The following TUBGCP3 variants were observed in gnomAD, a reference collection of about 807,000 sequenced individuals.
TUBGCP3 encodes the protein gamma-tubulin complex component 3.
In TUBGCP3, 50 loss-of-function variants were observed where a neutral mutation model predicts 123.1. That is an observed-to-expected ratio of 0.41 (90% confidence interval 0.32 to 0.51). The LOEUF is 0.51. Ranked by LOEUF, TUBGCP3 falls within the 20% of genes least tolerant of loss-of-function variation. The pLI is 0.36. For missense variants in TUBGCP3, 882 were observed against 1,127.0 expected, an observed-to-expected ratio of 0.78 and a Z score of 3.11; for synonymous variants, 405 against 413.9, an observed-to-expected ratio of 0.98 and a Z score of 0.26.
At chr13:112,499,220 TCAAC>T (rs758253947) in intron 19 of TUBGCP3, 35 bp from the exon 20 acceptor site, 3 of 1,558,968 alleles carry the variant, frequency 1.9e-6, no homozygotes, top group Non-Finnish European at 2.6e-6. Flanking sequence ...GAATAGAGCC[TCAAC>T]CAGCTAAGTT....
intron 17 of TUBGCP3, among the ~76,000 whole-genome samples, chr13:112,509,084 T>A (rs550661251): frequency 6.6e-6 from 1 of 152,210 alleles, no homozygotes; most frequent in African/African-American, 2.4e-5. Context: ...ACAGTCCCCC[T>A]CCACAGCTTA....
Position 112,556,101 on chromosome 13 carries a change from A to C in TUBGCP3, c.672T>G (p.Ser224Arg). 6.2e-7 allele frequency: 1 copy of C among 1,614,128 alleles called. No individual in the cohort carries two copies. Among genetic ancestry groups the C allele is most frequent in the Non-Finnish European group, 8.5e-7 (1 of 1,180,006 alleles). Residue 224 changes from serine (S) to arginine (R), a missense_variant, in exon 6 of 22, where the codon AGT becomes AGG. This residue lies in a region of TUBGCP3 where 713 missense variants were observed against 874.0 expected (regional missense o/e 0.82). Coordinates refer to ENST00000261965, the MANE Select transcript of TUBGCP3 (RefSeq NM_006322.6). ...ACCTTGTCATGTTGCGAGACACAGC[A>C]CTGGGGACACCTTTTGAGGTAGTGG... is the stretch of plus-strand genomic sequence containing the variant. ...SQATTSKGVP[S>R]AVSRNMTRSR... is the part of the protein sequence containing the mutation.
At chr13:112,591,907 C>T (rs527434297), upstream of TUBGCP3, among the ~76,000 whole-genome samples, 1 of 152,328 alleles carries the variant, frequency 6.6e-6, no homozygotes, top group South Asian at 2.1e-4. Flanking sequence ...ACTTAGTTCA[C>T]GTGCCCCTTT....
chr13:112,543,193 G>A (rs1273887121), intron 11 of TUBGCP3, among the ~76,000 whole-genome samples: 1 of 151,936 alleles, frequency 6.6e-6, no homozygotes, highest in Non-Finnish European at 1.5e-5. Flanking sequence ...GCAGAACCTG[G>A]GAAATGGACA....
At chr13:112,596,062 T>G in the TUBGCP3 span, among the ~76,000 whole-genome samples, 1 of 152,334 alleles carries the variant, frequency 6.6e-6, no homozygotes, top group South Asian at 2.1e-4. Context: ...AATCTCCTTT[T>G]ATGTCCCTTT....
At chr13:112,554,206 T>TTA in intron 7 of TUBGCP3, 24 bp from the exon 8 acceptor site, 1 of 1,611,068 alleles carries the variant, frequency 6.2e-7, no homozygotes, top group Non-Finnish European at 8.5e-7. Context: ...ACATCAAATG[T>TTA]TAAACATTAA....
chr13:112,546,531 G>A (rs1158157175), intron 10 of TUBGCP3: 1 of 152,430 alleles, frequency 6.6e-6, no homozygotes, highest in Non-Finnish European at 1.5e-5. Context: ...ATTTTAGGGA[G>A]AGGAGTGACA....
At chr13:112,569,484 GA>G (rs1881234621) in intron 1 of TUBGCP3, among the ~76,000 whole-genome samples, 1 of 152,118 alleles carries the variant, frequency 6.6e-6, no homozygotes, top group African/African-American at 2.4e-5. Flanking sequence ...CAGAGAGTCT[GA>G]AAAATCCTAG....
Position 112,527,542 on chromosome 13 carries a change from C to A in TUBGCP3, c.1336-58G>T, listed in dbSNP as rs1047574999. ...GTGATATTTATGGCAAAATATTAAC[C>A]AACAGCAACATCAAAGAGTAAGTTA... On this transcript the variant is annotated intron_variant, in intron 11 of 21. Transcript: ENST00000261965. 5 of 1,146,798 alleles carry A rather than the reference C, an allele frequency of 4.4e-6. No homozygotes were observed. In the Admixed American group the frequency reaches 5.4e-5, roughly 12 times the overall value. The allele number at this position is 1,146,798 out of a possible 1,614,324, so 71.0% of individuals were successfully genotyped here. A position where few individuals can be genotyped will look rare whatever the true frequency, so the allele number is the denominator to read the frequency against.
intron 13 of TUBGCP3, among the ~76,000 whole-genome samples, chr13:112,525,965 T>C (rs919124448): frequency 6.6e-6 from 1 of 152,176 alleles, no homozygotes; most frequent in African/African-American, 2.4e-5. Context: ...TTAAGGTGTA[T>C]CAGAGAGTAA....
At chr13:112,486,601 G>C (rs113635316) in intron 21 of TUBGCP3, among the ~76,000 whole-genome samples, 1 of 152,214 alleles carries the variant, frequency 6.6e-6, no homozygotes, top group Non-Finnish European at 1.5e-5. Context: ...AGCATCAGTC[G>C]GGTCTTTGGG....
In TUBGCP3 at chr13:112,486,073, A is replaced by C; in HGVS notation, c.2644T>G (p.Phe882Val). The C allele has an allele frequency of 6.2e-7, 1 of 1,610,610 alleles. No individual in the cohort carries two copies. The highest frequency in any genetic ancestry group is 8.5e-7 in the Non-Finnish European group (1 of 1,177,254). Residue 882 changes from phenylalanine (F) to valine (V), a missense_variant, in exon 22 of 22, where the codon TTC becomes GTC. By Grantham distance (50) the Phe-to-Val change is conservative. Transcript: ENST00000261965. ...TCCCTGGCTTTGTAATGCTCGTTGA[A>C]GTCCAGCCTGAAGCTAAGAAACCGA... is the stretch of plus-strand genomic sequence containing the variant. Reference protein sequence around the residue: ...SLRFLSFRLDFNEHYKAREPR... With the variant: ...SLRFLSFRLDVNEHYKAREPR...
At chr13:112,579,162 A>C (rs1653936454) in intron 1 of TUBGCP3, among the ~76,000 whole-genome samples, 1 of 152,058 alleles carries the variant, frequency 6.6e-6, no homozygotes, top group African/African-American at 2.4e-5. Flanking sequence ...TGGCAAACAC[A>C]CACACACACA....
intron 21 of TUBGCP3, among the ~76,000 whole-genome samples, chr13:112,488,948 TC>T (rs1440754230): frequency 1.7e-4 from 16 of 96,816 alleles, no homozygotes; most frequent in African/African-American, 6.6e-4. Context: ...CACCCCCAGG[TC>T]CCCACACCCA....
Position 112,545,728 on chromosome 13 carries a change from C to G in TUBGCP3, c.1306G>C (p.Asp436His). 6.2e-7 allele frequency: 1 copy of G among 1,614,128 alleles called. No individual in the cohort carries two copies. The highest frequency in any genetic ancestry group is 1.1e-5 in the South Asian group (1 of 91,078). Residue 436 changes from aspartate (D) to histidine (H), a missense_variant, in exon 11 of 22, where the codon GAT becomes CAT. Asp to His is a moderately conservative substitution (Grantham distance 81). Coordinates refer to ENST00000261965, the MANE Select transcript of TUBGCP3 (RefSeq NM_006322.6). This position sits in a 1 kb window ranked among gnomAD's most constrained non-coding sequence, Gnocchi z 4.1. Reference sequence around the variant, plus strand: ...TGGTAAGTGTCCTCAAGCTCCCCATCATATATCCAGCGGTACAGGAAGCTC... The same window carrying G: ...TGGTAAGTGTCCTCAAGCTCCCCATGATATATCCAGCGGTACAGGAAGCTC... Reference protein sequence around the residue: ...VLSFLYRWIYDGELEDTYHEF... With the variant: ...VLSFLYRWIYHGELEDTYHEF...
intron 10 of TUBGCP3, 171 bp from the exon 11 acceptor site, chr13:112,546,036 G>T (rs1415751791): frequency 1.6e-6 from 1 of 636,926 alleles, no homozygotes; most frequent in Non-Finnish European, 2.6e-6. Flanking sequence ...TCATGATTCA[G>T]AAACCAGGAG....
intron 11 of TUBGCP3, among the ~76,000 whole-genome samples, chr13:112,538,838 A>T (rs1000741828): frequency 8.5e-5 from 13 of 152,328 alleles, no homozygotes; most frequent in African/African-American, 3.1e-4. Context: ...ACTAAGGAAA[A>T]ATTAACCTAT....
chr13:112,492,494 A>G (rs1176869626), intron 20 of TUBGCP3, among the ~76,000 whole-genome samples: 1 of 152,278 alleles, frequency 6.6e-6, no homozygotes, highest in Non-Finnish European at 1.5e-5. Flanking sequence ...AGGGCATCTC[A>G]GCACCCAGAT....
intron 11 of TUBGCP3, among the ~76,000 whole-genome samples, chr13:112,542,637 A>T (rs1878617838): frequency 1.3e-5 from 2 of 152,220 alleles, no homozygotes. Context: ...ATGTATTTTA[A>T]CATTGAACAT....
Sources: gnomAD v4.1 joint callset for allele counts (sites outside exome capture counted in the v4.1 genomes callset) on GRCh38, gnomAD v4.1.1 for gene constraint, gnomAD v4.1.1 regional missense constraint, Gnocchi (gnomAD v3.1) non-coding constraint, MANE v1.5 for transcripts, NCBI Gene and HGNC (gene_info 2026-07-23, HGNC 2026-07-21) for gene names.